KCNH8: variants seen among roughly 807,000 people sequenced by gnomAD.
KCNH8 encodes the protein voltage-gated delayed rectifier potassium channel KCNH8.
Under a neutral mutation model 103.6 loss-of-function variants are expected in KCNH8, and 70 were observed. The observed-to-expected ratio is 0.68, with a 90% CI of 0.56 to 0.82. KCNH8 has a LOEUF of 0.82. KCNH8 is among the 40% of genes least tolerant of loss of function. The probability of loss-of-function intolerance (pLI) is 0.00; values close to 1 mark genes in which losing one functional copy is unlikely to be tolerated. For missense variants in KCNH8, 1,217 were observed against 1,329.9 expected, an observed-to-expected ratio of 0.92 and a Z score of 1.32; for synonymous variants, 498 against 489.4, an observed-to-expected ratio of 1.02 and a Z score of -0.23.
intron 5 of KCNH8, among the ~76,000 whole-genome samples, chr3:19,378,995 T>C (rs2066251488): frequency 6.6e-6 from 1 of 152,180 alleles, no homozygotes; most frequent in Non-Finnish European, 1.5e-5. Flanking sequence ...CAAGGGCAAG[T>C]AATTTACATG....
At chr3:19,341,206 G>A (rs2065655372) in intron 3 of KCNH8, among the ~76,000 whole-genome samples, 4 of 152,084 alleles carry the variant, frequency 2.6e-5, no homozygotes, top group Admixed American at 2.6e-4. Flanking sequence ...CTTACCAGTA[G>A]TGCATTGCCA....
chr3:19,163,945 T>A (rs1327142302), intron 1 of KCNH8, among the ~76,000 whole-genome samples: 1 of 152,234 alleles, frequency 6.6e-6, no homozygotes, highest in Non-Finnish European at 1.5e-5. Flanking sequence ...ACAAAATACA[T>A]GTTAATTGAC....
intron 1 of KCNH8, among the ~76,000 whole-genome samples, chr3:19,176,335 T>C (rs1330513018): frequency 6.6e-6 from 1 of 152,180 alleles, no homozygotes; most frequent in Admixed American, 6.5e-5. Flanking sequence ...GCTGAAAATA[T>C]TCAGCTAAAC....
In KCNH8 at chr3:19,482,895, G is replaced by A. The variant is rs573387924; in HGVS notation, c.2040+25913G>A. On this transcript the variant is annotated intron_variant, in intron 11 of 15. Coordinates refer to ENST00000328405, the MANE Select transcript of KCNH8 (RefSeq NM_144633.3). Reference sequence around the variant, plus strand: ...AGAGCAGAATAGTCAAGGCTCTGCCGGTTTTATTAGTGATTATTTCTAAGA... The same window carrying A: ...AGAGCAGAATAGTCAAGGCTCTGCCAGTTTTATTAGTGATTATTTCTAAGA... Among the ~76,000 whole-genome samples the A allele has an allele frequency of 4.6e-5, 7 of 152,206 alleles. No homozygotes were observed. In the South Asian group the frequency reaches 6.2e-4, roughly 14 times the overall value.
At chr3:19,412,140 G>C (rs2099837) in intron 7 of KCNH8, among the ~76,000 whole-genome samples, 151,073 of 152,242 alleles carry the variant, frequency 0.99, 74,963 homozygotes, top group Middle Eastern at 1. Flanking sequence ...TGACTTCAAA[G>C]CATACTATAA....
At chr3:19,376,161 A>G (rs1238210251) in intron 5 of KCNH8, among the ~76,000 whole-genome samples, 1 of 152,176 alleles carries the variant, frequency 6.6e-6, no homozygotes, top group Non-Finnish European at 1.5e-5. Flanking sequence ...TGTTTACCTA[A>G]GCAAGCCTGG....
intron 15 of KCNH8, 116 bp from the exon 16 acceptor site, chr3:19,533,279 T>A: frequency 1.5e-6 from 1 of 645,512 alleles, no homozygotes; most frequent in Non-Finnish European, 2.7e-6. Context: ...TAAGAATAAA[T>A]AAGTAGGAAT....
At chr3:19,274,464 G>C (rs2064634265) in intron 2 of KCNH8, among the ~76,000 whole-genome samples, 1 of 152,070 alleles carries the variant, frequency 6.6e-6, no homozygotes, top group African/African-American at 2.4e-5. Flanking sequence ...CTGAATTTGT[G>C]TTTAACTGTA....
chr3:19,390,746 T>C, intron 6 of KCNH8, 108 bp downstream of exon 6: 1 of 1,089,476 alleles, frequency 9.2e-7, no homozygotes, highest in Non-Finnish European at 1.3e-6. Flanking sequence ...TTGTGCCTTC[T>C]TCAATAAAGA....
chr3:19,201,543 A>G (rs1431049767), intron 1 of KCNH8, among the ~76,000 whole-genome samples: 1 of 152,072 alleles, frequency 6.6e-6, no homozygotes, highest in Non-Finnish European at 1.5e-5. Flanking sequence ...GAACTTGAAC[A>G]TACTTTTTTT....
intron 7 of KCNH8, among the ~76,000 whole-genome samples, chr3:19,418,743 T>C (rs2066899581): frequency 6.6e-6 from 1 of 152,188 alleles, no homozygotes; most frequent in Non-Finnish European, 1.5e-5. Flanking sequence ...ATATAATAAT[T>C]TAGAAAGTTT....
intron 2 of KCNH8, among the ~76,000 whole-genome samples, chr3:19,254,799 T>C (rs1428295649): frequency 2.0e-5 from 3 of 152,168 alleles, no homozygotes; most frequent in African/African-American, 7.2e-5. Context: ...GAAAAAAATA[T>C]TTCCCAGCAT....
rs150149489 is a variant in KCNH8 at position 19,254,335 on chromosome 3, TA to T, written c.310+459del. Among the ~76,000 whole-genome samples the T allele has an allele frequency of 3.1e-3, 454 of 148,046 alleles. 4 individuals are homozygous for T. The highest frequency in any genetic ancestry group is 0.011 in the African/African-American group (431 of 40,608). Reference sequence around the variant, plus strand: ...GTTCCCTGCAAAAAAGGAAGTCAGTTAAAAAAAAAAATTGGCATATGCATTT... The same window carrying T: ...GTTCCCTGCAAAAAAGGAAGTCAGTTAAAAAAAAAATTGGCATATGCATTT... On this transcript the variant is annotated intron_variant, in intron 2 of 15. Coordinates refer to ENST00000328405, the MANE Select transcript of KCNH8 (RefSeq NM_144633.3).
chr3:19,262,958 A>C (rs532020526), intron 2 of KCNH8, among the ~76,000 whole-genome samples: 5 of 152,098 alleles, frequency 3.3e-5, no homozygotes, highest in African/African-American at 1.2e-4. Context: ...GAGAAAGGCA[A>C]TACAACAGCA....
intron 7 of KCNH8, among the ~76,000 whole-genome samples, chr3:19,419,665 A>T (rs1211808680): frequency 6.6e-6 from 1 of 151,822 alleles, no homozygotes. Flanking sequence ...TTTCTCAGAA[A>T]CTCAGAGCCC....
intron 7 of KCNH8, among the ~76,000 whole-genome samples, chr3:19,407,767 G>C (rs1340723541): frequency 1.3e-5 from 2 of 152,124 alleles, no homozygotes; most frequent in Non-Finnish European, 2.9e-5. Flanking sequence ...CAGGGGTGCT[G>C]TCTCTGCCCC....
At chr3:19,313,980 T>C (rs760081094) in intron 3 of KCNH8, among the ~76,000 whole-genome samples, 150 of 152,006 alleles carry the variant, frequency 9.9e-4, no homozygotes, top group Non-Finnish European at 1.4e-3. Flanking sequence ...TGAGAAATAT[T>C]TGAACTTCGA....
At chr3:19,292,337 C>G (rs1198017188) in intron 3 of KCNH8, among the ~76,000 whole-genome samples, 1 of 152,092 alleles carries the variant, frequency 6.6e-6, no homozygotes, top group East Asian at 1.9e-4. Flanking sequence ...TTCACATTAT[C>G]TTTAGTGGTA....
intron 15 of KCNH8, among the ~76,000 whole-genome samples, chr3:19,532,400 C>G (rs761072616): frequency 1.2e-4 from 18 of 152,310 alleles, no homozygotes; most frequent in Non-Finnish European, 2.1e-4. Flanking sequence ...CTTTCCAACT[C>G]TCATTCCATA....
Sources: gnomAD v4.1 joint callset for allele counts (sites outside exome capture counted in the v4.1 genomes callset) on GRCh38, gnomAD v4.1.1 for gene constraint, MANE v1.5 for transcripts, NCBI Gene and HGNC (gene_info 2026-07-23, HGNC 2026-07-21) for gene names.